Variants in WSB1 observed in about 807,000 individuals in gnomAD.
WSB1 encodes the protein WD repeat and SOCS box-containing protein 1.
In WSB1, 23 loss-of-function variants were observed where a neutral mutation model predicts 50.2. The ratio of observed to expected loss-of-function variants is 0.46; its 90% CI spans 0.33 to 0.65. WSB1 has a LOEUF of 0.65. Among genes scored for constraint, WSB1 ranks in the 30% least tolerant of loss-of-function variants. The probability of loss-of-function intolerance (pLI) is 0.02; values close to 1 mark genes in which losing one functional copy is unlikely to be tolerated. For missense variants in WSB1, 492 were observed against 522.3 expected (o/e 0.94, Z 0.56); for synonymous variants, 179 against 172.0 (o/e 1.04, Z -0.32).
At chr17:27,308,809 A>G (rs2017557548) in intron 5 of WSB1, 2 of 1,024,418 alleles carry the variant, frequency 2.0e-6, no homozygotes, top group African/African-American at 1.7e-5. Flanking sequence ...TTTGGAATAA[A>G]TGGATTTCAG....
At chr17:27,311,424 C>A in intron 7 of WSB1, 85 bp from the exon 8 acceptor site, 2 of 1,017,458 alleles carry the variant, frequency 2.0e-6, no homozygotes, top group South Asian at 1.6e-5. Context: ...ACTCATAACT[C>A]AATGGCATTT....
chr17:27,305,693 AT>A (rs1378368004), intron 4 of WSB1, among the ~76,000 whole-genome samples: 3 of 152,226 alleles, frequency 2.0e-5, no homozygotes, highest in African/African-American at 7.2e-5. Context: ...GTTCCAGCTG[AT>A]AGATAGTAAC....
intron 5 of WSB1, chr17:27,307,562 C>G: frequency 1.7e-6 from 1 of 591,252 alleles, no homozygotes; most frequent in Non-Finnish European, 2.9e-6. Context: ...GGGTGGGAGG[C>G]TAGTTGAAAT....
At position 27,307,003 on chromosome 17, in the gene WSB1, T is replaced by C; in HGVS notation, c.711+121T>C. Reference sequence around the variant, plus strand: ...CGGTGTCATGAATATTTTAAATGTTTTATTTCATGATGGGGGAGAATTTGC... The same window carrying C: ...CGGTGTCATGAATATTTTAAATGTTCTATTTCATGATGGGGGAGAATTTGC... On this transcript the variant is annotated intron_variant, in intron 5 of 8. Transcript: ENST00000262394. 12 of 892,748 alleles carry C rather than the reference T, an allele frequency of 1.3e-5. No individual in the cohort carries two copies. In the South Asian group the frequency reaches 2.2e-4, roughly 16 times the overall value. 55.3% of individuals were successfully genotyped at this position (892,748 alleles called of 1,614,324 possible).
At chr17:27,306,969 G>A (rs2017489648) in intron 5 of WSB1, 87 bp downstream of exon 5, 1 of 1,280,232 alleles carries the variant, frequency 7.8e-7, no homozygotes, top group Admixed American at 2.0e-5. Flanking sequence ...AACCTATGAA[G>A]TCTGTGCTCG....
chr17:27,310,129 C>G lies in WSB1; in HGVS notation c.953C>G (p.Ser318Cys). ...GANDRWVRSVSFSHDGLHVAS... is the reference protein window; with the variant it reads ...GANDRWVRSVCFSHDGLHVAS... Reference sequence around the variant, plus strand: ...AATGACCGGTGGGTACGATCTGTATCTTTTAGCCATGATGGACTGCATGTT... The same window carrying G: ...AATGACCGGTGGGTACGATCTGTATGTTTTAGCCATGATGGACTGCATGTT... Residue 318 changes from serine (S) to cysteine (C), a missense_variant, in exon 7 of 9, where the codon TCT becomes TGT. By Grantham distance (112) the Ser-to-Cys change is moderately radical (BLOSUM62 -1). Coordinates refer to ENST00000262394, the MANE Select transcript of WSB1 (RefSeq NM_015626.10). 6.2e-7 allele frequency: 1 copy of G among 1,614,080 alleles called. No individual in the cohort carries two copies. Among genetic ancestry groups the G allele is most frequent in the East Asian group, 2.2e-5 (1 of 44,872 alleles).
At chr17:27,303,934 A>T (rs955559727) in intron 3 of WSB1, among the ~76,000 whole-genome samples, 2 of 152,208 alleles carry the variant, frequency 1.3e-5, no homozygotes, top group African/African-American at 4.8e-5. Flanking sequence ...AATGACTCAC[A>T]TGTCAAGGTG....
In WSB1 at chr17:27,315,414, TCTTAAA is replaced by T. The variant is rs2017810695; in HGVS notation, c.*3051_*3056del. ...TATAACTTGATCTTAGGTTGGCAAA[TCTTAAA>T]CTTAACGATCCTTGAAATTTCCTGC... On this transcript the variant is annotated 3_prime_UTR_variant, in exon 9 of 9. Transcript: ENST00000262394. 6.6e-6 allele frequency: 1 copy of T among 152,222 alleles called. No homozygotes were observed. Among genetic ancestry groups the T allele is most frequent in the Non-Finnish European group, 1.5e-5 (1 of 68,048 alleles). 9.4% of individuals were successfully genotyped at this position (152,222 alleles called of 1,614,324 possible).
At chr17:27,295,918 A>G (rs1364456375) in intron 1 of WSB1, among the ~76,000 whole-genome samples, 1 of 150,954 alleles carries the variant, frequency 6.6e-6, no homozygotes, top group Non-Finnish European at 1.5e-5. Flanking sequence ...GCTCACTGCA[A>G]CCTCCGGCTC....
At chr17:27,296,027 T>C (rs2016959426) in intron 1 of WSB1, among the ~76,000 whole-genome samples, 1 of 152,038 alleles carries the variant, frequency 6.6e-6, no homozygotes, top group Admixed American at 6.6e-5. Context: ...AGAGATGGGG[T>C]TTCTCCATGT....
At chr17:27,300,117 A>G (rs1057322824) in intron 1 of WSB1, among the ~76,000 whole-genome samples, 4 of 138,544 alleles carry the variant, frequency 2.9e-5, no homozygotes, top group African/African-American at 1.1e-4. Flanking sequence ...GCCAGGTGCT[A>G]TACTAGCTGT....
Position 27,315,253 on chromosome 17 carries a change from A to C in WSB1, c.*2884A>C, listed in dbSNP as rs1398903649. The C allele has an allele frequency of 6.6e-6, 1 of 152,322 alleles. No individual in the cohort carries two copies. The highest frequency in any genetic ancestry group is 3.4e-3 in the Middle Eastern group (1 of 294). 9.4% of individuals were successfully genotyped at this position (152,322 alleles called of 1,614,324 possible). A position where few individuals can be genotyped will look rare whatever the true frequency, so the allele number is the denominator to read the frequency against. ...TCTCCTATTTTGCCACAAGCCTGTCATTTGGAGAACTGGCAGATCATTTAT... is the reference window on the plus strand; with the variant it reads ...TCTCCTATTTTGCCACAAGCCTGTCCTTTGGAGAACTGGCAGATCATTTAT... On this transcript the variant is annotated 3_prime_UTR_variant, in exon 9 of 9. Coordinates refer to ENST00000262394, the MANE Select transcript of WSB1 (RefSeq NM_015626.10).
At chr17:27,303,831 AT>A (rs1324996055) in intron 3 of WSB1, 196 bp downstream of exon 3, 3 of 633,518 alleles carry the variant, frequency 4.7e-6, no homozygotes, top group Non-Finnish European at 7.9e-6. Context: ...TGGAGTTCAT[AT>A]TGCTTCATCA....
In WSB1 at chr17:27,306,822, G is replaced by A; in HGVS notation, c.651G>A (p.Val217=). 2 of 1,614,182 alleles carry A rather than the reference G, an allele frequency of 1.2e-6. No individual in the cohort carries two copies. Among genetic ancestry groups the A allele is most frequent in the Non-Finnish European group, 1.7e-6 (2 of 1,180,036 alleles). The stretch of plus-strand genomic sequence containing the variant: ...TATTGAGGGGGCATCAGAATTGGGT[G>A]TACAGCTGTGCATTCTCTCCTGACT... ...MKVLRGHQNW[V]YSCAFSPDSS... The change falls in exon 5 of 9, where the codon GTG becomes GTA. Residue 217 remains valine (V), a synonymous_variant. Transcript: ENST00000262394.
intron 5 of WSB1, chr17:27,308,289 T>C: frequency 1.0e-5 from 10 of 986,118 alleles, no homozygotes; most frequent in South Asian, 4.7e-5. Flanking sequence ...ACATTTAATA[T>C]AACAGACTGA....
At position 27,294,352 on chromosome 17, in the gene WSB1, GT is replaced by G. The variant is rs753173253; in HGVS notation, c.-42del. The G allele has an allele frequency of 3.1e-6, 5 of 1,611,092 alleles. No individual in the cohort carries two copies. The highest frequency in any genetic ancestry group is 4.2e-6 in the Non-Finnish European group (5 of 1,178,150). ...AGCGGTCGCCACTCTCTTCTCTGTT[GT>G]TGGGTCCGCATCGTATTCCCGGAAT... On this transcript the variant is annotated 5_prime_UTR_variant, in exon 1 of 9. Coordinates refer to ENST00000262394, the MANE Select transcript of WSB1 (RefSeq NM_015626.10).
intron 2 of WSB1, chr17:27,302,669 CCCT>C (rs1383441342): frequency 6.6e-6 from 1 of 152,250 alleles, no homozygotes; most frequent in Admixed American, 6.5e-5. Flanking sequence ...AGGTGATCCA[CCCT>C]CCTCAGCCTC....
intron 1 of WSB1, among the ~76,000 whole-genome samples, chr17:27,295,352 A>T (rs565267283): frequency 6.9e-4 from 105 of 152,294 alleles, no homozygotes; most frequent in African/African-American, 2.5e-3. Flanking sequence ...GTGTGCCTTT[A>T]CTAAGTACAA....
At chr17:27,306,682 A>G in intron 4 of WSB1, 100 bp from the exon 5 acceptor site, 1 of 1,179,708 alleles carries the variant, frequency 8.5e-7, no homozygotes, top group Admixed American at 2.3e-5. Context: ...AATTGCTTTC[A>G]GCTATAAATG....
Sources: allele counts gnomAD v4.1 joint callset (sites outside exome capture counted in the v4.1 genomes callset), GRCh38; gene constraint gnomAD v4.1.1; transcripts MANE v1.5; gene names NCBI Gene and HGNC (gene_info 2026-07-23, HGNC 2026-07-21).